SEPTIN14: variants seen among roughly 807,000 people sequenced by gnomAD.
SEPTIN14 encodes the protein septin-14.
SEPTIN14 carries 40 observed loss-of-function variants against 53.6 expected under a neutral mutation model. That is an observed-to-expected ratio of 0.75 (90% CI 0.58 to 0.97). The LOEUF is 0.97. SEPTIN14 is among the 50% of genes least tolerant of loss of function. The probability of loss-of-function intolerance (pLI) is 0.00; values close to 1 mark genes in which losing one functional copy is unlikely to be tolerated. For synonymous variants in SEPTIN14, 138 were observed against 166.8 expected (o/e 0.83, Z 1.33); for missense variants, 471 against 508.2 (o/e 0.93, Z 0.70).
intron 5 of SEPTIN14, among the ~76,000 whole-genome samples, chr7:55,840,224 C>A (rs1338023820): frequency 1.3e-5 from 2 of 150,874 alleles, no homozygotes; most frequent in African/African-American, 2.4e-5. Context: ...CACAGTGACT[C>A]ACGCCTGTAA....
At chr7:55,860,753 T>C (rs1369777583) in intron 2 of SEPTIN14, among the ~76,000 whole-genome samples, 1 of 152,184 alleles carries the variant, frequency 6.6e-6, no homozygotes, top group Non-Finnish European at 1.5e-5. Flanking sequence ...ATAGGACTAG[T>C]GCTTTTATAA....
rs184285572 is a variant in SEPTIN14, at chr7:55,857,201, C to T, written c.54+4742G>A. 3.6e-3 allele frequency among the ~76,000 whole-genome samples: 549 copies of T among 150,490 alleles called. 5 individuals are homozygous for T. Among genetic ancestry groups the T allele is most frequent in the African/African-American group, 0.012 (505 of 40,962 alleles). On this transcript the variant is annotated intron_variant, in intron 2 of 9. Transcript: ENST00000388975. ...CAGCCTGACCAACATGGTGAAACCC[C>T]GTCTCTAATAAAAATACAAAATTAG...
At chr7:55,812,892 A>T (rs1421476939) in intron 7 of SEPTIN14, among the ~76,000 whole-genome samples, 1 of 151,438 alleles carries the variant, frequency 6.6e-6, no homozygotes, top group Non-Finnish European at 1.5e-5. Context: ...GAACTCAGTG[A>T]CTGCCCTGCC....
intron 7 of SEPTIN14, among the ~76,000 whole-genome samples, chr7:55,818,472 C>CAAAAAAAAAAAAAAAAAAAAAAAAAAAA (rs61089405): frequency 1.2e-5 from 1 of 86,302 alleles, no homozygotes. Flanking sequence ...AACTCTGTCT[C>CAAAAAAAAAAAAAAAAAAAAAAAAAAAA]AAAAAAAAAA....
chr7:55,801,913 C>G (rs1195852682), intron 9 of SEPTIN14, among the ~76,000 whole-genome samples: 1 of 151,914 alleles, frequency 6.6e-6, no homozygotes, highest in Non-Finnish European at 1.5e-5. Flanking sequence ...ACAGCGAGAT[C>G]TTGTCTTAAA....
intron 2 of SEPTIN14, among the ~76,000 whole-genome samples, chr7:55,849,209 C>G (rs966961019): frequency 9.2e-5 from 14 of 151,670 alleles, no homozygotes; most frequent in African/African-American, 3.4e-4. Flanking sequence ...CCTGTAATCC[C>G]AGCTACTCGG....
chr7:55,820,815 A>G (rs1280184909), intron 6 of SEPTIN14, among the ~76,000 whole-genome samples: 1 of 151,964 alleles, frequency 6.6e-6, no homozygotes, highest in African/African-American at 2.4e-5. Context: ...TGGCAGGCAC[A>G]TGTAATCCCA....
intron 3 of SEPTIN14, among the ~76,000 whole-genome samples, chr7:55,846,094 T>TATATATATATATATAC (rs1789404754): frequency 7.5e-6 from 1 of 132,862 alleles, no homozygotes; most frequent in African/African-American, 2.8e-5. Context: ...TATATATATG[T>TATATATATATATATAC]ATACATGCTA....
chr7:55,842,772 G>T (rs1314084083), intron 5 of SEPTIN14, among the ~76,000 whole-genome samples, 170 bp downstream of exon 5: 1 of 152,054 alleles, frequency 6.6e-6, no homozygotes, highest in Non-Finnish European at 1.5e-5. Flanking sequence ...AATTAGCCGG[G>T]CGTGGTGGCA....
At chr7:55,809,034 C>T (rs1788652185) in intron 7 of SEPTIN14, among the ~76,000 whole-genome samples, 1 of 152,030 alleles carries the variant, frequency 6.6e-6, no homozygotes, top group African/African-American at 2.4e-5. Context: ...CAATGGTAGA[C>T]TGGATAGAGA....
rs189305234 is a variant in SEPTIN14 at position 55,793,553 on chromosome 7, C to T, written c.*2360G>A. ...GTATTATTGTAATTTTGGTTTGTAA[C>T]TCCGCTTTTTATTTTCTACAGGATT... On this transcript the variant is annotated 3_prime_UTR_variant, in exon 10 of 10. Transcript: ENST00000388975. 414 of 152,186 alleles carry T rather than the reference C, an allele frequency of 2.7e-3. 3 individuals carry two copies. Among genetic ancestry groups the T allele is most frequent in the African/African-American group, 9.3e-3 (385 of 41,526 alleles). The allele number at this position is 152,186 out of a possible 1,614,324, so 9.4% of individuals were successfully genotyped here. A position where few individuals can be genotyped will look rare whatever the true frequency, so the allele number is the denominator to read the frequency against.
chr7:55,839,408 AAG>A (rs1491025264), intron 5 of SEPTIN14, among the ~76,000 whole-genome samples: 1 of 151,872 alleles, frequency 6.6e-6, no homozygotes, highest in East Asian at 1.9e-4. Context: ...AAAAAAAAAA[AAG>A]ATATTTTGAG....
Position 55,843,555 on chromosome 7 carries a change from C to T in SEPTIN14, c.372-427G>A, listed in dbSNP as rs112425130. Among the ~76,000 whole-genome samples the T allele has an allele frequency of 1.1e-3, 169 of 152,260 alleles. 1 individual carries two copies. Among genetic ancestry groups the T allele is most frequent in the African/African-American group, 3.6e-3 (151 of 41,556 alleles). On this transcript the variant is annotated intron_variant, in intron 4 of 9. Coordinates refer to ENST00000388975, the MANE Select transcript of SEPTIN14 (RefSeq NM_207366.3). The stretch of plus-strand genomic sequence containing the variant: ...TATTGTTAAAAAGATAAAAAATGGC[C>T]GGGCGCGGTGGCTCACGCCTGTAAT...
chr7:55,843,382 A>G (rs1789348751), intron 4 of SEPTIN14, among the ~76,000 whole-genome samples: 1 of 152,222 alleles, frequency 6.6e-6, no homozygotes. Flanking sequence ...CAGAATATAC[A>G]AAGAATGCAA....
At chr7:55,834,833 G>C (rs1381776147) in intron 5 of SEPTIN14, among the ~76,000 whole-genome samples, 1 of 152,146 alleles carries the variant, frequency 6.6e-6, no homozygotes, top group Non-Finnish European at 1.5e-5. Flanking sequence ...TTTTAGTAAA[G>C]ACGGGGTTTC....
At chr7:55,804,103 T>A in intron 9 of SEPTIN14, among the ~76,000 whole-genome samples, 1 of 114,270 alleles carries the variant, frequency 8.8e-6, no homozygotes, top group Non-Finnish European at 1.6e-5. Flanking sequence ...GCCACTGCAC[T>A]CCAACCTGGG....
chr7:55,797,443 A>G (rs1425689904), intron 9 of SEPTIN14, among the ~76,000 whole-genome samples: 2 of 152,256 alleles, frequency 1.3e-5, no homozygotes, highest in African/African-American at 4.8e-5. Context: ...GAGAATCTTC[A>G]TTAGACTATC....
intron 9 of SEPTIN14, among the ~76,000 whole-genome samples, chr7:55,802,107 C>T (rs974607217): frequency 1.3e-5 from 2 of 151,328 alleles, no homozygotes; most frequent in Non-Finnish European, 1.5e-5. Context: ...TGGGTTCAAG[C>T]GATTCTCCTG....
At chr7:55,857,135 G>A (rs1169784630) in intron 2 of SEPTIN14, among the ~76,000 whole-genome samples, 1 of 151,792 alleles carries the variant, frequency 6.6e-6, no homozygotes, top group East Asian at 2.0e-4. Context: ...CACTTTGAGA[G>A]GCTGAGGCAG....
Sources: allele counts gnomAD v4.1 joint callset (sites outside exome capture counted in the v4.1 genomes callset), GRCh38; gene constraint gnomAD v4.1.1; transcripts MANE v1.5; gene names NCBI Gene and HGNC (gene_info 2026-07-23, HGNC 2026-07-21).